The following KIAA1217 variants were observed in gnomAD, a reference collection of about 807,000 sequenced individuals.
KIAA1217 encodes the protein KIAA1217, also known as sickle tail protein homolog.
In KIAA1217, 88 loss-of-function variants were observed where a neutral mutation model predicts 163.9. The ratio of observed to expected loss-of-function variants is 0.54; its 90% CI spans 0.45 to 0.64. The LOEUF (loss-of-function observed/expected upper bound fraction) is 0.64, where lower values mean the gene tolerates loss of function less well. Ranked by LOEUF, KIAA1217 falls within the 30% of genes least tolerant of loss-of-function variation. The probability of loss-of-function intolerance (pLI) is 0.00; values close to 1 mark genes in which losing one functional copy is unlikely to be tolerated. For synonymous variants in KIAA1217, 903 were observed against 923.1 expected (o/e 0.98, Z 0.39); for missense variants, 2,372 against 2,475.0 (o/e 0.96, Z 0.88).
intron 2 of KIAA1217, among the ~76,000 whole-genome samples, chr10:24,280,319 C>T (rs1330527700): frequency 2.0e-5 from 3 of 152,134 alleles, no homozygotes; most frequent in African/African-American, 7.2e-5. Flanking sequence ...GTTTGCAAAA[C>T]TCTAACAAAC....
chr10:23,764,328 A>C (rs985703410), intron 1 of KIAA1217, among the ~76,000 whole-genome samples: 2 of 152,198 alleles, frequency 1.3e-5, no homozygotes, highest in African/African-American at 2.4e-5. Flanking sequence ...GGCTCTGGAG[A>C]AATAGGAACA....
chr10:24,188,122 G>T (rs533062075), intron 2 of KIAA1217, among the ~76,000 whole-genome samples: 142 of 152,266 alleles, frequency 9.3e-4, no homozygotes, highest in African/African-American at 3.1e-3. Context: ...GCTCAAGCCT[G>T]GGAGGCAGAG....
intron 2 of KIAA1217, among the ~76,000 whole-genome samples, chr10:24,114,774 T>C (rs2062986313): frequency 6.6e-6 from 1 of 152,220 alleles, no homozygotes; most frequent in African/African-American, 2.4e-5. Context: ...AGTTTTGCCT[T>C]GCCCTTGGAA....
In KIAA1217 at chr10:24,528,223, G is replaced by A. The variant is rs140626906; in HGVS notation, c.3082+104G>A. The A allele has an allele frequency of 2.3e-4, 198 of 866,438 alleles. No homozygotes were observed. In the African/African-American group the frequency reaches 3.1e-3, roughly 13 times the overall value. The allele number at this position is 866,438 out of a possible 1,614,324, so 53.7% of individuals were successfully genotyped here. A position where few individuals can be genotyped will look rare whatever the true frequency, so the allele number is the denominator to read the frequency against. ...ACTCATCAACAGAACCAATGTCTCAGTTCTTACAAATCTTACAAAATGTAA... is the reference window on the plus strand; with the variant it reads ...ACTCATCAACAGAACCAATGTCTCAATTCTTACAAATCTTACAAAATGTAA... On this transcript the variant is annotated intron_variant, in intron 14 of 20. Coordinates refer to ENST00000376454, the MANE Select transcript of KIAA1217 (RefSeq NM_019590.5).
chr10:24,087,389 T>C (rs1385723149), intron 2 of KIAA1217, among the ~76,000 whole-genome samples: 1 of 152,222 alleles, frequency 6.6e-6, no homozygotes, highest in Non-Finnish European at 1.5e-5. Context: ...TGCAACCATA[T>C]GTACGGTGTC....
chr10:24,446,726 A>G (rs1281560575), intron 5 of KIAA1217, among the ~76,000 whole-genome samples: 3 of 152,190 alleles, frequency 2.0e-5, no homozygotes, highest in African/African-American at 7.2e-5. Flanking sequence ...ATACTGAGCA[A>G]TTTGCTTGTA....
intron 2 of KIAA1217, among the ~76,000 whole-genome samples, chr10:24,088,658 G>A (rs1165245799): frequency 8.1e-6 from 1 of 123,536 alleles, no homozygotes; most frequent in Middle Eastern, 4.3e-3. Flanking sequence ...GTATTCCATG[G>A]TGTATATGTG....
intron 1 of KIAA1217, among the ~76,000 whole-genome samples, chr10:24,214,722 G>A (rs2068594218): frequency 6.6e-6 from 1 of 152,188 alleles, no homozygotes; most frequent in Non-Finnish European, 1.5e-5. Flanking sequence ...CCTATGACAA[G>A]AGAGCTTCTC....
intron 2 of KIAA1217, among the ~76,000 whole-genome samples, chr10:24,241,191 C>T (rs2073050990): frequency 6.6e-6 from 1 of 152,104 alleles, no homozygotes; most frequent in African/African-American, 2.4e-5. Context: ...GAAACTGTGG[C>T]TCAGAGAGTT....
intron 3 of KIAA1217, among the ~76,000 whole-genome samples, chr10:24,397,430 C>T (rs2055945309): frequency 6.6e-6 from 1 of 152,084 alleles, no homozygotes; most frequent in Non-Finnish European, 1.5e-5. Context: ...CAAACATCAC[C>T]ATAGTAGCTA....
At chr10:24,316,340 G>A (rs1319737848) in intron 2 of KIAA1217, among the ~76,000 whole-genome samples, 5 of 152,132 alleles carry the variant, frequency 3.3e-5, no homozygotes, top group Non-Finnish European at 7.4e-5. Context: ...TGCAGGCATG[G>A]AAGGAGTTCC....
chr10:24,294,187 CAAAAAAA>C (rs371110913), intron 2 of KIAA1217, among the ~76,000 whole-genome samples: 14 of 55,104 alleles, frequency 2.5e-4, no homozygotes, highest in South Asian at 2.9e-3. Context: ...GACTCCGTCT[CAAAAAAA>C]AAAAAAAAAA....
At chr10:24,076,272 C>T (rs989642439) in intron 2 of KIAA1217, among the ~76,000 whole-genome samples, 45 of 152,332 alleles carry the variant, frequency 3.0e-4, no homozygotes, top group African/African-American at 1.1e-3. Flanking sequence ...ATACTGAACG[C>T]TCAGTATCTA....
intron 10 of KIAA1217, 52 bp downstream of exon 10, chr10:24,513,486 A>G (rs750021116): frequency 6.4e-6 from 10 of 1,566,752 alleles, no homozygotes; most frequent in Middle Eastern, 1.7e-4. Flanking sequence ...AAGGAAAATT[A>G]TCATTACTAA....
At chr10:23,790,387 A>T (rs573846648) in intron 1 of KIAA1217, among the ~76,000 whole-genome samples, 2 of 88,400 alleles carry the variant, frequency 2.3e-5, no homozygotes, top group Non-Finnish European at 4.6e-5. Flanking sequence ...GTATATATAC[A>T]TATGTATATA....
At chr10:23,758,998 T>A (rs1834097175) in intron 1 of KIAA1217, among the ~76,000 whole-genome samples, 1 of 152,146 alleles carries the variant, frequency 6.6e-6, no homozygotes, top group African/African-American at 2.4e-5. Context: ...TCATTAAATC[T>A]GTAGATTGCT....
intron 1 of KIAA1217, among the ~76,000 whole-genome samples, chr10:23,898,593 T>C (rs1032024527): frequency 3.3e-5 from 5 of 152,108 alleles, no homozygotes; most frequent in Non-Finnish European, 5.9e-5. Context: ...AAGTGTTTTA[T>C]TGCATCAAAA....
chr10:24,069,290 C>G (rs1351137861), intron 2 of KIAA1217, among the ~76,000 whole-genome samples: 3 of 152,302 alleles, frequency 2.0e-5, no homozygotes, highest in African/African-American at 4.8e-5. Context: ...TCTTTTCTCT[C>G]CAGGGAAAAG....
chr10:24,478,729 T>G (rs2064314639), intron 6 of KIAA1217, among the ~76,000 whole-genome samples: 1 of 152,190 alleles, frequency 6.6e-6, no homozygotes. Context: ...GTTGTAAAAT[T>G]ACTTCATTAA....
Sources: allele counts gnomAD v4.1 joint callset (sites outside exome capture counted in the v4.1 genomes callset), GRCh38; gene constraint gnomAD v4.1.1; transcripts MANE v1.5; gene names NCBI Gene and HGNC (gene_info 2026-07-23, HGNC 2026-07-21).